TLL1: variants seen among roughly 807,000 people sequenced by gnomAD.
The protein encoded by TLL1 is tolloid-like protein 1.
A neutral mutation model predicts 128.2 loss-of-function variants in TLL1; 49 were observed. That is an observed-to-expected ratio of 0.38 (90% CI 0.30 to 0.48). The LOEUF is 0.48. Among genes scored for constraint, TLL1 ranks in the 20% least tolerant of loss-of-function variants. TLL1 has a pLI of 0.96. For synonymous variants in TLL1, 454 were observed against 418.8 expected (o/e 1.08, Z -1.03); for missense variants, 1,123 against 1,242.0 (o/e 0.90, Z 1.44).
chr4:166,028,536 T>C (rs1738612722), intron 9 of TLL1, among the ~76,000 whole-genome samples: 1 of 152,032 alleles, frequency 6.6e-6, no homozygotes. Context: ...TGCTCATAGA[T>C]TCTCTATATT....
At chr4:165,962,419 T>G (rs1024011088) in intron 1 of TLL1, among the ~76,000 whole-genome samples, 2 of 152,116 alleles carry the variant, frequency 1.3e-5, no homozygotes, top group Non-Finnish European at 2.9e-5. Flanking sequence ...AGTCAAATAA[T>G]AACAGGTGTT....
intron 12 of TLL1, among the ~76,000 whole-genome samples, chr4:166,052,633 T>A (rs1729399259): frequency 6.6e-6 from 1 of 152,086 alleles, no homozygotes; most frequent in South Asian, 2.1e-4. Flanking sequence ...TACTACAAGA[T>A]GTTGCTTCCT....
intron 1 of TLL1, among the ~76,000 whole-genome samples, chr4:165,888,555 T>C (rs1209186792): frequency 7.1e-6 from 1 of 140,872 alleles, no homozygotes; most frequent in East Asian, 2.0e-4. Flanking sequence ...CTGGAAAATA[T>C]TTTTTTTTTT....
intron 1 of TLL1, among the ~76,000 whole-genome samples, chr4:165,939,605 A>G (rs1286492136): frequency 6.6e-6 from 1 of 152,052 alleles, no homozygotes; most frequent in Non-Finnish European, 1.5e-5. Flanking sequence ...GAAGCTTTCT[A>G]GAGTTCTACA....
At position 165,921,243 on chromosome 4, in the gene TLL1, C is replaced by T. The variant is rs117725613; in HGVS notation, c.169+47170C>T. ...AAATTTGTTATTCTTTTGGATGCAG[C>T]ATTTAGAACAAAACTTTTATAAAAA... On this transcript the variant is annotated intron_variant, in intron 1 of 20. Coordinates refer to ENST00000061240, the MANE Select transcript of TLL1 (RefSeq NM_012464.5). Among the ~76,000 whole-genome samples the T allele has an allele frequency of 2.4e-3, 358 of 152,222 alleles. 2 individuals are homozygous for T. In the East Asian group the frequency reaches 0.043, roughly 18 times the overall value.
intron 1 of TLL1, among the ~76,000 whole-genome samples, chr4:165,943,647 C>T (rs1010536240): frequency 6.6e-6 from 1 of 151,736 alleles, no homozygotes; most frequent in Non-Finnish European, 1.5e-5. Flanking sequence ...TATCGTCTTC[C>T]TAAGCCACAT....
intron 1 of TLL1, among the ~76,000 whole-genome samples, chr4:165,918,365 A>G (rs1295325339): frequency 3.3e-5 from 5 of 152,184 alleles, no homozygotes; most frequent in Non-Finnish European, 7.3e-5. Context: ...CTTTGAGCTC[A>G]TTTGGAATTT....
intron 1 of TLL1, among the ~76,000 whole-genome samples, chr4:165,977,047 TTAACTA>T (rs1186563261): frequency 6.6e-6 from 1 of 152,212 alleles, no homozygotes; most frequent in African/African-American, 2.4e-5. Flanking sequence ...TATTTAATCT[TTAACTA>T]TAACAAAAGA....
intron 1 of TLL1, among the ~76,000 whole-genome samples, chr4:165,918,057 G>A (rs1937564646): frequency 6.6e-6 from 1 of 152,000 alleles, no homozygotes; most frequent in Non-Finnish European, 1.5e-5. Context: ...TATTAGATAC[G>A]TATCTTACCC....
intron 1 of TLL1, among the ~76,000 whole-genome samples, chr4:165,983,825 G>A (rs1736271134): frequency 6.6e-6 from 1 of 151,708 alleles, no homozygotes; most frequent in African/African-American, 2.4e-5. Context: ...AATCTACACT[G>A]GGTGAAGACA....
At chr4:165,909,509 A>G (rs1732428340) in intron 1 of TLL1, among the ~76,000 whole-genome samples, 1 of 152,196 alleles carries the variant, frequency 6.6e-6, no homozygotes, top group African/African-American at 2.4e-5. Flanking sequence ...TAGGTCTGGG[A>G]CATTTCAGCG....
At chr4:165,915,059 C>T (rs183672788) in intron 1 of TLL1, among the ~76,000 whole-genome samples, 31 of 152,166 alleles carry the variant, frequency 2.0e-4, no homozygotes, top group Admixed American at 3.9e-4. Flanking sequence ...TTGAGTTACC[C>T]GTGGAGTGGG....
chr4:165,874,167 C>T (rs867236836), intron 1 of TLL1, 94 bp downstream of exon 1: 2 of 1,486,878 alleles, frequency 1.3e-6, no homozygotes, highest in Non-Finnish European at 9.3e-7. Flanking sequence ...GTTTCCTTCC[C>T]TCCCGCGTCA....
intron 2 of TLL1, 54 bp downstream of exon 2, chr4:165,989,545 T>G (rs895145746): frequency 7.9e-7 from 1 of 1,262,874 alleles, no homozygotes; most frequent in South Asian, 1.2e-5. Context: ...AATATACTCT[T>G]GAAGTGCTAT....
intron 15 of TLL1, among the ~76,000 whole-genome samples, chr4:166,063,819 C>A (rs982421917): frequency 6.6e-6 from 1 of 151,956 alleles, no homozygotes; most frequent in East Asian, 1.9e-4. Flanking sequence ...GGGTGGGGAA[C>A]ATCACGCCAC....
intron 1 of TLL1, among the ~76,000 whole-genome samples, chr4:165,912,790 T>A (rs773713376): frequency 3.4e-4 from 51 of 151,958 alleles, no homozygotes; most frequent in Non-Finnish European, 6.9e-4. Context: ...TCTATTCCCT[T>A]AAAAAAAGTA....
At chr4:165,974,083 A>C (rs2110983032) in intron 1 of TLL1, among the ~76,000 whole-genome samples, 1 of 149,406 alleles carries the variant, frequency 6.7e-6, no homozygotes, top group African/African-American at 2.4e-5. Flanking sequence ...TGCTGAGATC[A>C]AGAGGCCAAC....
At position 166,057,257 on chromosome 4, in the gene TLL1, G is replaced by A. The variant is rs1265647974; in HGVS notation, c.1794G>A (p.Gln598=). ...GTCTGAACACTCTGGGCAGTTACCAGTGTGCCTGTGAGCCTGGCTATGAGC... is the reference window on the plus strand; with the variant it reads ...GTCTGAACACTCTGGGCAGTTACCAATGTGCCTGTGAGCCTGGCTATGAGC... ...QRCLNTLGSY[Q]CACEPGYELG... Residue 598 remains glutamine, a synonymous_variant, in exon 14 of 21, where the codon CAG becomes CAA. Transcript: ENST00000061240. The A allele has an allele frequency of 2.5e-6, 4 of 1,614,000 alleles. No individual in the cohort carries two copies. Among genetic ancestry groups the A allele is most frequent in the Admixed American group, 1.7e-5 (1 of 59,988 alleles).
At chr4:165,942,467 A>G (rs1734062688) in intron 1 of TLL1, among the ~76,000 whole-genome samples, 2 of 151,870 alleles carry the variant, frequency 1.3e-5, no homozygotes, top group African/African-American at 2.4e-5. Context: ...GTCTATCTCC[A>G]TGATTGGGTT....
Sources: gnomAD v4.1 joint callset for allele counts (sites outside exome capture counted in the v4.1 genomes callset) on GRCh38, gnomAD v4.1.1 for gene constraint, MANE v1.5 for transcripts, NCBI Gene and HGNC (gene_info 2026-07-23, HGNC 2026-07-21) for gene names.